The following SLX4IP variants were observed in gnomAD, a reference collection of about 807,000 sequenced individuals.
SLX4IP encodes the protein protein SLX4IP.
A neutral mutation model predicts 32.9 loss-of-function variants in SLX4IP; 34 were observed. The observed-to-expected ratio is 1.03, with a 90% CI of 0.79 to 1.38. SLX4IP has a LOEUF of 1.38. Among genes scored for constraint, SLX4IP ranks in the 40% most tolerant of loss-of-function variants. The pLI is 0.00. For synonymous variants in SLX4IP, 172 were observed against 171.7 expected (o/e 1.00, Z -0.01); for missense variants, 444 against 479.0 (o/e 0.93, Z 0.68).
In SLX4IP at chr20:10,626,302, G is replaced by A. The variant is rs7264378; in HGVS notation, c.*2923G>A. 0.095 allele frequency: 14,171 copies of A among 149,360 alleles called. 909 individuals carry two copies. Among genetic ancestry groups the A allele is most frequent in the South Asian group, 0.26 (1,223 of 4,670 alleles). The allele number at this position is 149,360 out of a possible 1,614,324, so 9.3% of individuals were successfully genotyped here. On this transcript the variant is annotated 3_prime_UTR_variant, in exon 8 of 8. Coordinates refer to ENST00000334534, the MANE Select transcript of SLX4IP (RefSeq NM_001009608.3). ...CCCGCCTCGGCCTCCCAAAGTGCTG[G>A]GATTACAGGTGAGAGCCACCGCACC...
chr20:10,623,563 T>C lies in SLX4IP; in HGVS notation c.*184T>C. On this transcript the variant is annotated 3_prime_UTR_variant, in exon 8 of 8. Coordinates refer to ENST00000334534, the MANE Select transcript of SLX4IP (RefSeq NM_001009608.3). ...AAGCATTTCAAACCGGGAGGCTATA[T>C]GCTTGTTCTAACAGCGTTGCTTCTT... 2 of 833,076 alleles carry C rather than the reference T, an allele frequency of 2.4e-6. No individual in the cohort carries two copies. Among genetic ancestry groups the C allele is most frequent in the Non-Finnish European group, 3.6e-6 (2 of 557,792 alleles). 51.6% of individuals were successfully genotyped at this position (833,076 alleles called of 1,614,324 possible).
At chr20:10,517,179 C>T (rs561437859) in intron 2 of SLX4IP, among the ~76,000 whole-genome samples, 3 of 152,254 alleles carry the variant, frequency 2.0e-5, no homozygotes, top group African/African-American at 7.2e-5. Flanking sequence ...TCTTTGTTTC[C>T]ATAGGTACCA....
At chr20:10,619,537 ATTG>A (rs910170614) in intron 6 of SLX4IP, among the ~76,000 whole-genome samples, 51 of 152,164 alleles carry the variant, frequency 3.4e-4, no homozygotes, top group Admixed American at 2.9e-3. Context: ...TGCAGTATTC[ATTG>A]TTGTTATTTA....
chr20:10,505,425 G>A (rs150550234), intron 2 of SLX4IP, among the ~76,000 whole-genome samples: 1 of 152,276 alleles, frequency 6.6e-6, no homozygotes, highest in East Asian at 1.9e-4. Flanking sequence ...AGTGCTACTC[G>A]GAAAATGGAA....
intron 2 of SLX4IP, among the ~76,000 whole-genome samples, chr20:10,494,176 T>C (rs2122402047): frequency 6.6e-6 from 1 of 151,952 alleles, no homozygotes; most frequent in Non-Finnish European, 1.5e-5. Flanking sequence ...TTTGTTGTTG[T>C]TGACTTTGTT....
chr20:10,461,468 C>T (rs1295784103), intron 2 of SLX4IP, among the ~76,000 whole-genome samples: 1 of 152,228 alleles, frequency 6.6e-6, no homozygotes, highest in East Asian at 1.9e-4. Flanking sequence ...GAAGGCTCTG[C>T]ACATCACTTT....
intron 4 of SLX4IP, among the ~76,000 whole-genome samples, chr20:10,566,719 G>T (rs779677201): frequency 6.6e-6 from 1 of 152,154 alleles, no homozygotes; most frequent in Non-Finnish European, 1.5e-5. Flanking sequence ...CTGCAGTTGA[G>T]CTGTGCTTGA....
chr20:10,621,696 C>T (rs551016611), intron 7 of SLX4IP, among the ~76,000 whole-genome samples: 1 of 149,576 alleles, frequency 6.7e-6, no homozygotes, highest in African/African-American at 2.5e-5. Context: ...GGACTACAGA[C>T]AGATCTAGAA....
chr20:10,553,934 A>G (rs1027978390), intron 2 of SLX4IP, among the ~76,000 whole-genome samples: 3 of 152,224 alleles, frequency 2.0e-5, no homozygotes, highest in Non-Finnish European at 4.4e-5. Flanking sequence ...GGGACGTAAT[A>G]CCTACATTTT....
intron 1 of SLX4IP, among the ~76,000 whole-genome samples, chr20:10,443,188 A>C (rs2065172148): frequency 6.6e-6 from 1 of 152,212 alleles, no homozygotes; most frequent in Non-Finnish European, 1.5e-5. Flanking sequence ...TAGGGACAGT[A>C]AAGATACGTT....
chr20:10,509,914 T>C (rs1831300616), intron 2 of SLX4IP, among the ~76,000 whole-genome samples: 1 of 152,176 alleles, frequency 6.6e-6, no homozygotes, highest in African/African-American at 2.4e-5. Flanking sequence ...CAGGCTGGCC[T>C]CAAACTTCTG....
At chr20:10,493,553 G>A (rs994976610) in intron 2 of SLX4IP, among the ~76,000 whole-genome samples, 5 of 151,448 alleles carry the variant, frequency 3.3e-5, no homozygotes, top group Non-Finnish European at 4.4e-5. Flanking sequence ...CTTTCATTAA[G>A]TTCTTTTTTT....
In SLX4IP at chr20:10,544,907, A is replaced by G. The variant is rs1020458991; in HGVS notation, c.28-11324A>G. ...GTTCCTGTATTCTACAGAGAATGCTATGAGTATTCTTCCAGGATACAAGGG... is the reference window on the plus strand; with the variant it reads ...GTTCCTGTATTCTACAGAGAATGCTGTGAGTATTCTTCCAGGATACAAGGG... On this transcript the variant is annotated intron_variant, in intron 2 of 7. Coordinates refer to ENST00000334534, the MANE Select transcript of SLX4IP (RefSeq NM_001009608.3). 1.5e-4 allele frequency among the ~76,000 whole-genome samples: 23 copies of G among 152,102 alleles called. 1 individual carries two copies. Among genetic ancestry groups the G allele is most frequent in the African/African-American group, 2.4e-5 (1 of 41,402 alleles).
intron 4 of SLX4IP, among the ~76,000 whole-genome samples, chr20:10,591,171 A>G (rs1045977027): frequency 3.3e-5 from 5 of 152,194 alleles, no homozygotes; most frequent in African/African-American, 1.2e-4. Flanking sequence ...TTAAGTTTGC[A>G]ATCTCAGTTC....
At chr20:10,616,678 C>T (rs2067036680) in intron 6 of SLX4IP, among the ~76,000 whole-genome samples, 2 of 152,260 alleles carry the variant, frequency 1.3e-5, no homozygotes, top group South Asian at 2.1e-4. Context: ...TGCTCTTCCC[C>T]GTCTGCTTTT....
chr20:10,588,788 G>C (rs2066674478), intron 4 of SLX4IP, among the ~76,000 whole-genome samples: 1 of 152,134 alleles, frequency 6.6e-6, no homozygotes, highest in East Asian at 1.9e-4. Flanking sequence ...GGGTCAATGA[G>C]GGAAGGAAGG....
intron 4 of SLX4IP, among the ~76,000 whole-genome samples, chr20:10,567,036 A>G (rs1003701404): frequency 6.6e-6 from 1 of 152,166 alleles, no homozygotes; most frequent in African/African-American, 2.4e-5. Flanking sequence ...ATTAATTGCT[A>G]TTGCTGGCAA....
At chr20:10,584,081 G>GACTT (rs1458403623) in intron 4 of SLX4IP, among the ~76,000 whole-genome samples, 1 of 152,008 alleles carries the variant, frequency 6.6e-6, no homozygotes, top group Admixed American at 6.6e-5. Flanking sequence ...AACTCTTAAG[G>GACTT]ACTTGTATAA....
chr20:10,531,382 A>G (rs942343790), intron 2 of SLX4IP, among the ~76,000 whole-genome samples: 1 of 152,222 alleles, frequency 6.6e-6, no homozygotes, highest in African/African-American at 2.4e-5. Context: ...TATGTCCTCT[A>G]TGGTCTTATT....
Sources: gnomAD v4.1 joint callset for allele counts (sites outside exome capture counted in the v4.1 genomes callset) on GRCh38, gnomAD v4.1.1 for gene constraint, MANE v1.5 for transcripts, NCBI Gene and HGNC (gene_info 2026-07-23, HGNC 2026-07-21) for gene names.